ANKRD36: variants seen among roughly 807,000 people sequenced by gnomAD.
ANKRD36 encodes the protein ankyrin repeat domain 36, also known as ankyrin repeat domain-containing protein 36A.
Under a neutral mutation model 278.1 loss-of-function variants are expected in ANKRD36, and 179 were observed. The observed-to-expected ratio is 0.64, with a 90% confidence interval of 0.57 to 0.73. The LOEUF (loss-of-function observed/expected upper bound fraction) is 0.73, where lower values mean the gene tolerates loss of function less well. ANKRD36 is among the 30% of genes least tolerant of loss of function. ANKRD36 has a pLI of 0.00. For missense variants in ANKRD36, 1,159 were observed against 1,956.7 expected (o/e 0.59, Z 7.69); for synonymous variants, 320 against 641.1 (o/e 0.50, Z 7.57).
Position 97,217,311 on chromosome 2 carries a change from A to C in ANKRD36, c.3714A>C (p.Lys1238Asn), listed in dbSNP as rs1037743325. The C allele has an allele frequency of 1.9e-6, 3 of 1,550,524 alleles. No individual in the cohort carries two copies. The African/African-American group carries it at 4.1e-5, about 21-fold the overall frequency. ...CTCTTTCCATTCAGGTTATATTTAA[A>C]AAGAAAGTTTCTCTTTTGAATATTG... The part of the protein sequence containing the change: ...QKQSAQKVIF[K>N]KKVSLLNIAT... Residue 1238 changes from lysine (K) to asparagine (N), a missense_variant, in exon 64 of 76, where the codon AAA becomes AAC. Physicochemically the swap from Lys to Asn is moderately conservative, Grantham distance 94 (BLOSUM62 0). Transcript: ENST00000420699.
rs2050107368 is a variant in ANKRD36, at chr2:97,164,521, A to G, written c.1531+52A>G. The G allele has an allele frequency of 1.1e-5, 16 of 1,517,026 alleles. No individual in the cohort carries two copies. In the East Asian group the frequency reaches 3.9e-4, roughly 37 times the overall value. 94.0% of individuals were successfully genotyped at this position (1,517,026 alleles called of 1,614,324 possible). ...CTAGAAAATGTAGATGAAAATATTGAAAATGCTCATAGTTTTTTGATTCCC... is the reference window on the plus strand; with the variant it reads ...CTAGAAAATGTAGATGAAAATATTGGAAATGCTCATAGTTTTTTGATTCCC... On this transcript the variant is annotated intron_variant, in intron 20 of 75. Coordinates refer to ENST00000420699, the MANE Select transcript of ANKRD36 (RefSeq NM_001354587.1).
rs1355421372 is a variant in ANKRD36 at position 97,200,498 on chromosome 2, A to T, written c.2830A>T (p.Lys944Ter). The part of the protein sequence containing the change: ...KDSFSNITRE[K>*]KDGEISRKVS... ...TTCTTTTTCGAATATAACCAGAGAA[A>T]AAAAGGATGGAGAAATATCTAGGAA... The change falls in exon 46 of 76, where the codon AAA (lysine) becomes TAA (stop). Residue 944 changes from lysine (K) to a stop codon, truncating the protein, a stop_gained. Coordinates refer to ENST00000420699, the MANE Select transcript of ANKRD36 (RefSeq NM_001354587.1). LOFTEE classifies it high-confidence loss of function. 2.5e-6 allele frequency: 4 copies of T among 1,575,232 alleles called. No individual in the cohort carries two copies. Among genetic ancestry groups the T allele is most frequent in the Non-Finnish European group, 3.4e-6 (4 of 1,165,958 alleles).
intron 22 of ANKRD36, among the ~76,000 whole-genome samples, chr2:97,175,931 G>A (rs1178873304): frequency 4.6e-5 from 7 of 151,650 alleles, no homozygotes; most frequent in South Asian, 2.1e-4. Context: ...GTAGTTGAGC[G>A]GTTTTGAGTG....
At chr2:97,129,962 T>C (rs912822171) in intron 6 of ANKRD36, among the ~76,000 whole-genome samples, 3 of 152,018 alleles carry the variant, frequency 2.0e-5, no homozygotes, top group African/African-American at 7.2e-5. Context: ...GGGCTCTTTT[T>C]TCGTTCCATA....
chr2:97,117,865 G>A (rs1160132676), intron 1 of ANKRD36, among the ~76,000 whole-genome samples, 199 bp from the exon 2 acceptor site: 3 of 151,914 alleles, frequency 2.0e-5, no homozygotes, highest in African/African-American at 7.3e-5. Context: ...TAAATTTTAA[G>A]CCCCAATTAA....
At chr2:97,129,094 A>G (rs1430581424) in intron 6 of ANKRD36, among the ~76,000 whole-genome samples, 1 of 152,060 alleles carries the variant, frequency 6.6e-6, no homozygotes, top group Non-Finnish European at 1.5e-5. Context: ...CCAACAGTGT[A>G]AAAGTGTTCC....
At chr2:97,146,166 C>A (rs969824509) in intron 10 of ANKRD36, among the ~76,000 whole-genome samples, 9 of 151,868 alleles carry the variant, frequency 5.9e-5, no homozygotes, top group Admixed American at 1.3e-4. Context: ...CGGCTTTTGC[C>A]ATGTTGGCCA....
intron 67 of ANKRD36, among the ~76,000 whole-genome samples, chr2:97,225,585 T>C (rs1463611647): frequency 6.6e-6 from 1 of 152,126 alleles, no homozygotes; most frequent in African/African-American, 2.4e-5. Context: ...TATTACAATG[T>C]GTAATTTGCA....
At chr2:97,202,506 C>A in intron 48 of ANKRD36, 113 bp downstream of exon 48, 1 of 1,460,776 alleles carries the variant, frequency 6.8e-7, no homozygotes, top group Admixed American at 2.3e-5. Context: ...ATTCAGCAGG[C>A]TGGAGATTCT....
chr2:97,199,634 G>GATGATATTT (rs1360447725), intron 44 of ANKRD36, among the ~76,000 whole-genome samples: 2 of 151,902 alleles, frequency 1.3e-5, no homozygotes, highest in Non-Finnish European at 2.9e-5. Context: ...GTTGATAATT[G>GATGATATTT]ATGATATTTT....
chr2:97,207,689 A>G (rs1043605878), intron 52 of ANKRD36, 122 bp from the exon 53 acceptor site: 123 of 1,451,202 alleles, frequency 8.5e-5, no homozygotes, highest in Non-Finnish European at 9.4e-5. Flanking sequence ...ACAAAGTAGA[A>G]GCCATCAAAG....
chr2:97,195,200 C>T (rs1222434693), intron 40 of ANKRD36, among the ~76,000 whole-genome samples: 4 of 151,964 alleles, frequency 2.6e-5, no homozygotes, highest in South Asian at 2.1e-4. Flanking sequence ...TGCTTTAATT[C>T]GGTAGCATCT....
intron 58 of ANKRD36, chr2:97,212,802 G>A (rs1335970092): frequency 5.7e-6 from 1 of 175,870 alleles, no homozygotes; most frequent in African/African-American, 2.4e-5. Flanking sequence ...CTAAACGAGT[G>A]GATACAAGAA....
At chr2:97,132,630 C>T (rs1448061154) in intron 6 of ANKRD36, among the ~76,000 whole-genome samples, 2 of 151,982 alleles carry the variant, frequency 1.3e-5, no homozygotes, top group African/African-American at 4.8e-5. Context: ...TCATATAATG[C>T]CATTATGTCA....
intron 6 of ANKRD36, among the ~76,000 whole-genome samples, chr2:97,139,354 A>G (rs1462441897): frequency 6.6e-6 from 1 of 152,056 alleles, no homozygotes; most frequent in Non-Finnish European, 1.5e-5. Context: ...CTCTTACAAC[A>G]TATGTGCATA....
At chr2:97,158,023 T>C in intron 15 of ANKRD36, 84 bp from the exon 16 acceptor site, 2 of 1,166,138 alleles carry the variant, frequency 1.7e-6, no homozygotes, top group Non-Finnish European at 2.4e-6. Context: ...TCCATCCTTT[T>C]TGTGTTAGAT....
chr2:97,212,208 GAGTC>G (rs1204251672), intron 58 of ANKRD36, among the ~76,000 whole-genome samples: 1 of 151,896 alleles, frequency 6.6e-6, no homozygotes, highest in Non-Finnish European at 1.5e-5. Context: ...TAGGGATTGT[GAGTC>G]AGGAAGGAGG....
rs2057158693 is a variant in ANKRD36 at position 97,185,303 on chromosome 2, T to G, written c.1940-13T>G. On this transcript the variant is annotated splice_polypyrimidine_tract_variant and intron_variant, in intron 28 of 75. Transcript: ENST00000420699. ...TTACATATGAGTGATTATGTATCCC[T>G]TTTGCTTTTCAGTGTCTTCTCAGAA... is the stretch of plus-strand genomic sequence containing the variant. 1 of 1,596,266 alleles carries G rather than the reference T, an allele frequency of 6.3e-7. No individual in the cohort carries two copies. Among genetic ancestry groups the G allele is most frequent in the Admixed American group, 1.7e-5 (1 of 59,542 alleles).
chr2:97,199,172 G>T (rs1240161858), intron 44 of ANKRD36, among the ~76,000 whole-genome samples: 4 of 151,870 alleles, frequency 2.6e-5, no homozygotes, highest in South Asian at 2.1e-4. Context: ...TGGAGTTTCT[G>T]CTGAGGAAAC....
Sources: gnomAD v4.1 joint callset for allele counts (sites outside exome capture counted in the v4.1 genomes callset) on GRCh38, gnomAD v4.1.1 for gene constraint, MANE v1.5 for transcripts, NCBI Gene and HGNC (gene_info 2026-07-23, HGNC 2026-07-21) for gene names.